The following CADM2 variants were observed in gnomAD, a reference collection of about 807,000 sequenced individuals.
CADM2 encodes cell adhesion molecule 2.
In CADM2, 12 loss-of-function variants were observed where a neutral mutation model predicts 49.8. The observed-to-expected ratio is 0.24, with a 90% CI of 0.15 to 0.39. The LOEUF (loss-of-function observed/expected upper bound fraction) is 0.39. Among genes scored for constraint, CADM2 ranks in the 10% least tolerant of loss-of-function variants. CADM2 has a pLI of 1.00. For synonymous variants in CADM2, 214 were observed against 175.4 expected, an observed-to-expected ratio of 1.22 and a Z score of -1.74; for missense variants, 378 against 492.3, an observed-to-expected ratio of 0.77 and a Z score of 2.20.
intron 1 of CADM2, among the ~76,000 whole-genome samples, chr3:85,429,153 A>C (rs919956926): frequency 1.3e-5 from 2 of 152,088 alleles, no homozygotes; most frequent in Non-Finnish European, 1.5e-5. Flanking sequence ...TGTATATGCT[A>C]TTAGAAGAAT....
intron 3 of CADM2, among the ~76,000 whole-genome samples, chr3:85,836,711 G>C (rs2074425884): frequency 6.6e-6 from 1 of 151,600 alleles, no homozygotes; most frequent in Non-Finnish European, 1.5e-5. Context: ...AAACTTCAAA[G>C]ACAATCCCTC....
At chr3:85,936,734 A>G (rs1721224867) in intron 7 of CADM2, among the ~76,000 whole-genome samples, 1 of 151,854 alleles carries the variant, frequency 6.6e-6, no homozygotes, top group African/African-American at 2.4e-5. Context: ...TAAGTTTCAT[A>G]CTATCCCATG....
chr3:85,291,412 C>T (rs981322732), intron 1 of CADM2, among the ~76,000 whole-genome samples: 3 of 150,234 alleles, frequency 2.0e-5, no homozygotes, highest in East Asian at 1.9e-4. Flanking sequence ...GGCAGGCCAA[C>T]GTTCAGATTC....
intron 1 of CADM2, among the ~76,000 whole-genome samples, chr3:85,050,925 T>C (rs1170491930): frequency 6.6e-6 from 1 of 152,196 alleles, no homozygotes; most frequent in African/African-American, 2.4e-5. Context: ...GTTGCAGGGA[T>C]GTACTCCTTT....
chr3:85,326,107 T>G (rs1401669857), intron 1 of CADM2, among the ~76,000 whole-genome samples: 2 of 152,152 alleles, frequency 1.3e-5, no homozygotes, highest in Non-Finnish European at 2.9e-5. Flanking sequence ...CCTCTTTCTC[T>G]TTAAATAACC....
At chr3:84,982,701 G>GAATATATATATA in intron 1 of CADM2, among the ~76,000 whole-genome samples, 1 of 34,542 alleles carries the variant, frequency 2.9e-5, no homozygotes, top group Non-Finnish European at 5.3e-5. Flanking sequence ...AAACTATAAA[G>GAATATATATATA]CATATATATA....
chr3:85,397,661 T>A (rs1237247540), intron 1 of CADM2, among the ~76,000 whole-genome samples: 1 of 152,166 alleles, frequency 6.6e-6, no homozygotes, highest in Non-Finnish European at 1.5e-5. Flanking sequence ...ATCACTTACA[T>A]GAGTTATCTA....
intron 1 of CADM2, among the ~76,000 whole-genome samples, chr3:85,496,535 T>G (rs1362995171): frequency 6.6e-6 from 1 of 152,182 alleles, no homozygotes; most frequent in Non-Finnish European, 1.5e-5. Flanking sequence ...TAGAATGATC[T>G]ATTTTCCTAG....
chr3:85,426,884 T>C (rs2036431357), intron 1 of CADM2, among the ~76,000 whole-genome samples: 1 of 151,882 alleles, frequency 6.6e-6, no homozygotes, highest in Non-Finnish European at 1.5e-5. Context: ...TGATATTATA[T>C]ATATGTATAT....
rs987313767 is a variant in CADM2 at position 86,071,222 on chromosome 3, G to T, written c.*4439G>T. ...TGTGTGCATGTTTTCATAGATTGTA[G>T]CAAGTACAAATGTATTCAATGAAAG... On this transcript the variant is annotated 3_prime_UTR_variant, in exon 10 of 10. Transcript: ENST00000383699. 6.6e-6 allele frequency: 1 copy of T among 151,826 alleles called. No individual in the cohort carries two copies. The highest frequency in any genetic ancestry group is 2.4e-5 in the African/African-American group (1 of 41,396). 9.4% of individuals were successfully genotyped at this position (151,826 alleles called of 1,614,324 possible). A position where few individuals can be genotyped will look rare whatever the true frequency, so the allele number is the denominator to read the frequency against.
At chr3:85,510,371 A>G (rs2040559873) in intron 1 of CADM2, among the ~76,000 whole-genome samples, 1 of 152,082 alleles carries the variant, frequency 6.6e-6, no homozygotes, top group Non-Finnish European at 1.5e-5. Flanking sequence ...TTGGAAAATC[A>G]GCATATTCCA....
intron 7 of CADM2, among the ~76,000 whole-genome samples, chr3:85,943,256 T>A (rs369859066): frequency 1.5e-5 from 2 of 136,354 alleles, no homozygotes; most frequent in African/African-American, 3.1e-5. Flanking sequence ...GATGAGTAGG[T>A]TGCAAAAATT....
rs147162869 is a variant in CADM2 at position 86,014,846 on chromosome 3, C to T, written c.971-50759C>T. The T allele has an allele frequency of 4.2e-3, 6,393 of 1,515,066 alleles. 20 individuals are homozygous for T. The highest frequency in any genetic ancestry group is 5.0e-3 in the Non-Finnish European group (5,659 of 1,123,102). 93.9% of individuals were successfully genotyped at this position (1,515,066 alleles called of 1,614,324 possible). A position where few individuals can be genotyped will look rare whatever the true frequency, so the allele number is the denominator to read the frequency against. On this transcript the variant is annotated intron_variant, in intron 8 of 9. Transcript: ENST00000383699. ...TCTATGAAGCCCTCCACCTGCCTGA[C>T]ATCAAGTTTTTTCCTAATGTGTATG...
intron 1 of CADM2, among the ~76,000 whole-genome samples, chr3:85,435,863 G>T (rs2036904067): frequency 1.3e-5 from 2 of 151,926 alleles, no homozygotes; most frequent in South Asian, 4.1e-4. Flanking sequence ...CTTTTTGATG[G>T]GGTCGTTTGT....
chr3:85,306,332 G>A (rs909239170), intron 1 of CADM2, among the ~76,000 whole-genome samples: 1 of 151,588 alleles, frequency 6.6e-6, no homozygotes. Context: ...GCATAAAGAT[G>A]ACTTCTCTAT....
chr3:85,504,465 T>G (rs2040238247), intron 1 of CADM2, among the ~76,000 whole-genome samples: 1 of 152,212 alleles, frequency 6.6e-6, no homozygotes, highest in Non-Finnish European at 1.5e-5. Flanking sequence ...CCTGCTGTTA[T>G]TCTCTTATCT....
In CADM2 at chr3:85,001,715, T is replaced by A. The variant is rs114918789; in HGVS notation, c.61+42047T>A. Among the ~76,000 whole-genome samples the A allele has an allele frequency of 6.3e-3, 966 of 152,204 alleles. 15 individuals are homozygous for A. Among genetic ancestry groups the A allele is most frequent in the African/African-American group, 0.022 (924 of 41,566 alleles). ...ATGAAACGCCTTCTAAGAAGTGTTG[T>A]TGATACTCATAGTTTTATACAGGAA... On this transcript the variant is annotated intron_variant, in intron 1 of 9. Coordinates refer to ENST00000383699, the MANE Select transcript of CADM2 (RefSeq NM_001167675.2).
intron 1 of CADM2, among the ~76,000 whole-genome samples, chr3:84,989,629 T>G (rs2032772143): frequency 1.3e-5 from 2 of 152,182 alleles, no homozygotes; most frequent in South Asian, 4.1e-4. Flanking sequence ...TGTTTCCAAA[T>G]TTTAGTCAGA....
intron 1 of CADM2, among the ~76,000 whole-genome samples, chr3:85,539,763 T>C (rs1452237351): frequency 6.6e-6 from 1 of 152,076 alleles, no homozygotes; most frequent in Non-Finnish European, 1.5e-5. Flanking sequence ...CTTGAGCAAC[T>C]TGGTAAATGC....
Sources: allele counts gnomAD v4.1 joint callset (sites outside exome capture counted in the v4.1 genomes callset), GRCh38; gene constraint gnomAD v4.1.1; transcripts MANE v1.5; gene names NCBI Gene and HGNC (gene_info 2026-07-23, HGNC 2026-07-21).